The following LINC00305 variants were observed in gnomAD, a reference collection of about 807,000 sequenced individuals.
LINC00305 encodes the protein long intergenic non-protein coding RNA 305.
chr18:64,088,010 C>T (rs111402244), intron 3 of LINC00305, among the ~76,000 whole-genome samples: 1 of 152,084 alleles, frequency 6.6e-6, no homozygotes, highest in Admixed American at 6.5e-5. Context: ...GTAGTCCCAG[C>T]TACCTGGGAG....
chr18:64,096,092 A>G (rs1305154868), intron 3 of LINC00305, among the ~76,000 whole-genome samples: 1 of 152,074 alleles, frequency 6.6e-6, no homozygotes. Flanking sequence ...AGAGTTTATT[A>G]AGGATAGAGT....
chr18:64,133,681 T>C (rs1476541152), intron 1 of LINC00305, among the ~76,000 whole-genome samples: 1 of 152,194 alleles, frequency 6.6e-6, no homozygotes, highest in Non-Finnish European at 1.5e-5. Context: ...TGATGTTTTT[T>C]TCCTTACATA....
chr18:64,138,615 G>C (rs989683049), intron 1 of LINC00305, among the ~76,000 whole-genome samples: 1 of 152,102 alleles, frequency 6.6e-6, no homozygotes, highest in Non-Finnish European at 1.5e-5. Flanking sequence ...TGAAAATGCA[G>C]AGCAGCTTTA....
At chr18:64,080,636 G>A (rs1302721507) in intron 3 of LINC00305, among the ~76,000 whole-genome samples, 1 of 152,058 alleles carries the variant, frequency 6.6e-6, no homozygotes, top group Non-Finnish European at 1.5e-5. Flanking sequence ...ATAATTTTAA[G>A]TACATTAATT....
chr18:64,104,073 T>G (rs1032109291), intron 1 of LINC00305: 1 of 152,226 alleles, frequency 6.6e-6, no homozygotes, highest in Non-Finnish European at 1.5e-5. Context: ...TAGTGTTGAG[T>G]CTTTTGCAAG....
chr18:64,097,962 C>T (rs1324546381), exon 3 of LINC00305: 1 of 457,766 alleles, frequency 2.2e-6, no homozygotes, highest in Non-Finnish European at 4.4e-6. Context: ...CTCCTGCTTT[C>T]CCTTTTCATC....
At chr18:64,120,394 A>T (rs1341788665) in intron 1 of LINC00305, among the ~76,000 whole-genome samples, 1 of 152,076 alleles carries the variant, frequency 6.6e-6, no homozygotes, top group African/African-American at 2.4e-5. Context: ...CAGATTAATG[A>T]TCTCCTTATC....
At chr18:64,143,504 T>TAC (rs1444240866) in intron 1 of LINC00305, among the ~76,000 whole-genome samples, 1 of 137,854 alleles carries the variant, frequency 7.3e-6, no homozygotes, top group African/African-American at 3.3e-5. Context: ...TATATATATA[T>TAC]GTATACCATC....
At chr18:64,098,157 C>T (rs2051253690) in intron 2 of LINC00305, 1 of 347,096 alleles carries the variant, frequency 2.9e-6, no homozygotes, top group Non-Finnish European at 5.7e-6. Flanking sequence ...TTGAAACTAT[C>T]CATCTAATCT....
intron 1 of LINC00305, among the ~76,000 whole-genome samples, chr18:64,135,622 G>T (rs1219737508): frequency 6.6e-6 from 1 of 152,130 alleles, no homozygotes; most frequent in South Asian, 2.1e-4. Context: ...GTCTCGCTCT[G>T]TTGCCCAGGC....
At chr18:64,132,362 T>G (rs1434606185) in intron 1 of LINC00305, among the ~76,000 whole-genome samples, 3 of 152,370 alleles carry the variant, frequency 2.0e-5, no homozygotes. Flanking sequence ...TATTTTCTCT[T>G]GGTTCCTTAT....
At chr18:64,130,922 C>A (rs1208910531) in intron 1 of LINC00305, among the ~76,000 whole-genome samples, 4 of 152,026 alleles carry the variant, frequency 2.6e-5, no homozygotes, top group Non-Finnish European at 5.9e-5. Context: ...CCTTTCATAC[C>A]ATCCTATGAA....
intron 1 of LINC00305, among the ~76,000 whole-genome samples, chr18:64,102,534 A>G (rs1351212965): frequency 4.6e-5 from 7 of 152,228 alleles, no homozygotes; most frequent in African/African-American, 1.7e-4. Context: ...AGAAATGACC[A>G]AAATGCTAAA....
At chr18:64,101,693 G>C (rs925900445) in intron 1 of LINC00305, among the ~76,000 whole-genome samples, 3 of 152,114 alleles carry the variant, frequency 2.0e-5, no homozygotes, top group Admixed American at 6.5e-5. Context: ...TGGGTGGAAA[G>C]CTTCTTCTGG....
At chr18:64,115,291 T>C (rs773375030) in intron 1 of LINC00305, among the ~76,000 whole-genome samples, 1 of 152,218 alleles carries the variant, frequency 6.6e-6, no homozygotes, top group Non-Finnish European at 1.5e-5. Flanking sequence ...TAATCTACCA[T>C]GAGCCTTCCA....
chr18:64,084,873 C>A (rs2051197517), intron 3 of LINC00305, among the ~76,000 whole-genome samples: 1 of 152,212 alleles, frequency 6.6e-6, no homozygotes, highest in African/African-American at 2.4e-5. Flanking sequence ...GAATAATCCC[C>A]AAGCACTACT....
intron 1 of LINC00305, among the ~76,000 whole-genome samples, chr18:64,146,200 C>CT (rs1260941605): frequency 6.6e-6 from 1 of 152,026 alleles, no homozygotes; most frequent in African/African-American, 2.4e-5. Context: ...ATTAAGAAAG[C>CT]TTTTTTAGAA....
At chr18:64,093,201 T>A (rs940493543) in intron 3 of LINC00305, among the ~76,000 whole-genome samples, 2 of 152,182 alleles carry the variant, frequency 1.3e-5, no homozygotes, top group Admixed American at 6.6e-5. Context: ...TGTATAAGTA[T>A]CTAGAGATAA....
chr18:64,098,915 G>A (rs2051257594), intron 1 of LINC00305, among the ~76,000 whole-genome samples: 1 of 152,170 alleles, frequency 6.6e-6, no homozygotes, highest in Admixed American at 6.5e-5. Context: ...GTGACAAGGA[G>A]CATTGAAGTT....
Sources: gnomAD v4.1 joint callset for allele counts (sites outside exome capture counted in the v4.1 genomes callset) on GRCh38, gnomAD v4.1.1 for gene constraint, MANE v1.5 for transcripts, NCBI Gene and HGNC (gene_info 2026-07-23, HGNC 2026-07-21) for gene names.